The following DIAPH3 variants were observed in gnomAD, a reference collection of about 807,000 sequenced individuals.
The protein encoded by DIAPH3 is protein diaphanous homolog 3.
DIAPH3 carries 117 observed loss-of-function variants against 144.3 expected under a neutral mutation model. The ratio of observed to expected loss-of-function variants is 0.81; its 90% confidence interval spans 0.70 to 0.95. DIAPH3 has a LOEUF of 0.95. Among genes scored for constraint, DIAPH3 ranks in the 40% least tolerant of loss-of-function variants. DIAPH3 has a pLI of 0.00. For synonymous variants in DIAPH3, 519 were observed against 488.9 expected, an observed-to-expected ratio of 1.06 and a Z score of -0.81; for missense variants, 1,421 against 1,412.7, an observed-to-expected ratio of 1.01 and a Z score of -0.09.
intron 17 of DIAPH3, among the ~76,000 whole-genome samples, chr13:59,939,002 T>C (rs1417068332): frequency 6.6e-6 from 1 of 152,190 alleles, no homozygotes; most frequent in Non-Finnish European, 1.5e-5. Context: ...AAAATTTCTT[T>C]ATGAGGCTTG....
chr13:60,015,152 T>C (rs1376116161), intron 7 of DIAPH3, among the ~76,000 whole-genome samples: 4 of 152,100 alleles, frequency 2.6e-5, no homozygotes, highest in African/African-American at 4.8e-5. Context: ...TGTGCCGCCA[T>C]GCCCAGCTAT....
At chr13:60,060,264 G>C (rs1023041828) in intron 4 of DIAPH3, among the ~76,000 whole-genome samples, 1 of 151,966 alleles carries the variant, frequency 6.6e-6, no homozygotes, top group Non-Finnish European at 1.5e-5. Flanking sequence ...AAATAGTAGA[G>C]AGGATAAAAC....
intron 27 of DIAPH3, among the ~76,000 whole-genome samples, chr13:59,764,685 T>C (rs954095074): frequency 3.3e-5 from 5 of 150,520 alleles, no homozygotes; most frequent in African/African-American, 1.2e-4. Context: ...CATGTGATGA[T>C]GGAGACATAC....
chr13:59,682,665 T>C (rs1274209933), intron 27 of DIAPH3, among the ~76,000 whole-genome samples: 2 of 152,108 alleles, frequency 1.3e-5, no homozygotes, highest in Non-Finnish European at 2.9e-5. Flanking sequence ...CTATATATAA[T>C]ACTGCATAAA....
At chr13:59,920,904 C>T (rs1008078202) in intron 18 of DIAPH3, among the ~76,000 whole-genome samples, 7 of 151,570 alleles carry the variant, frequency 4.6e-5, no homozygotes, top group African/African-American at 1.7e-4. Context: ...TTTCTGACCA[C>T]AATGGAATAA....
intron 22 of DIAPH3, among the ~76,000 whole-genome samples, chr13:59,853,390 G>T (rs1429707378): frequency 6.6e-6 from 1 of 152,140 alleles, no homozygotes; most frequent in Non-Finnish European, 1.5e-5. Context: ...TGTTAAAGAA[G>T]GGCACTGATA....
intron 27 of DIAPH3, among the ~76,000 whole-genome samples, chr13:59,685,019 C>A (rs372307993): frequency 1.3e-5 from 2 of 152,002 alleles, no homozygotes; most frequent in African/African-American, 4.8e-5. Flanking sequence ...TTAAAATAAC[C>A]TGACAGCTTT....
chr13:60,083,661 G>C (rs1418333343), intron 4 of DIAPH3, among the ~76,000 whole-genome samples: 1 of 152,046 alleles, frequency 6.6e-6, no homozygotes, highest in Non-Finnish European at 1.5e-5. Context: ...AGCAACAGTA[G>C]TGCATTTGTG....
intron 4 of DIAPH3, among the ~76,000 whole-genome samples, chr13:60,067,936 C>T (rs1448198746): frequency 6.6e-6 from 1 of 152,092 alleles, no homozygotes; most frequent in Non-Finnish European, 1.5e-5. Context: ...CACACATATA[C>T]ACATAGAGAA....
intron 3 of DIAPH3, among the ~76,000 whole-genome samples, chr13:60,095,292 G>A (rs1361069096): frequency 6.6e-6 from 1 of 152,184 alleles, no homozygotes; most frequent in Non-Finnish European, 1.5e-5. Flanking sequence ...GTGTTACACA[G>A]CAACCTTTTA....
intron 27 of DIAPH3, among the ~76,000 whole-genome samples, chr13:59,766,424 A>G (rs1265481359): frequency 6.6e-6 from 1 of 152,194 alleles, no homozygotes; most frequent in Non-Finnish European, 1.5e-5. Context: ...GCCAGAGACT[A>G]TGACTTTAAG....
chr13:59,924,435 C>T (rs569945014), intron 18 of DIAPH3, among the ~76,000 whole-genome samples: 10 of 151,486 alleles, frequency 6.6e-5, no homozygotes, highest in African/African-American at 2.4e-4. Context: ...CAATACACTA[C>T]CAATTTTTTT....
intron 1 of DIAPH3, among the ~76,000 whole-genome samples, chr13:60,156,074 C>T (rs1232900007): frequency 6.6e-6 from 1 of 152,216 alleles, no homozygotes; most frequent in Non-Finnish European, 1.5e-5. Context: ...AGTCCCAAAT[C>T]AGTTTCACTG....
At chr13:60,055,031 C>CT (rs1015925725) in intron 4 of DIAPH3, among the ~76,000 whole-genome samples, 1 of 151,734 alleles carries the variant, frequency 6.6e-6, no homozygotes, top group African/African-American at 2.4e-5. Flanking sequence ...AGTTACTTGG[C>CT]TTTTTAAAAA....
chr13:59,707,645 C>T (rs185050502), intron 27 of DIAPH3, among the ~76,000 whole-genome samples: 6 of 152,086 alleles, frequency 3.9e-5, no homozygotes, highest in East Asian at 1.9e-4. Context: ...ATATACTGTA[C>T]GATTCGAAAA....
chr13:59,875,180 A>G (rs1222759631), intron 21 of DIAPH3, among the ~76,000 whole-genome samples: 4 of 152,190 alleles, frequency 2.6e-5, no homozygotes, highest in South Asian at 2.1e-4. Context: ...TTTAATTTCT[A>G]AAGATATGTT....
At chr13:59,836,937 C>T (rs2042072105) in intron 23 of DIAPH3, among the ~76,000 whole-genome samples, 1 of 151,908 alleles carries the variant, frequency 6.6e-6, no homozygotes, top group South Asian at 2.1e-4. Context: ...CACAATTTGC[C>T]ATTTTAATAA....
At chr13:59,962,492 C>A (rs2049822123) in intron 17 of DIAPH3, among the ~76,000 whole-genome samples, 2 of 152,190 alleles carry the variant, frequency 1.3e-5, no homozygotes, top group African/African-American at 4.8e-5. Flanking sequence ...CCTTTAGAAT[C>A]CTCCTTAGCT....
intron 25 of DIAPH3, among the ~76,000 whole-genome samples, chr13:59,806,137 C>T (rs1055612469): frequency 1.3e-5 from 2 of 151,980 alleles, no homozygotes; most frequent in African/African-American, 2.4e-5. Context: ...CCTCCATCAT[C>T]CAGGGGTATG....
Sources: allele counts gnomAD v4.1 joint callset (sites outside exome capture counted in the v4.1 genomes callset), GRCh38; gene constraint gnomAD v4.1.1; transcripts MANE v1.5; gene names NCBI Gene and HGNC (gene_info 2026-07-23, HGNC 2026-07-21).